ACADSB: variants seen among roughly 807,000 people sequenced by gnomAD.
ACADSB encodes acyl-CoA dehydrogenase short/branched chain.
Under a neutral mutation model 54.1 loss-of-function variants are expected in ACADSB, and 40 were observed. The observed-to-expected ratio is 0.74, with a 90% CI of 0.57 to 0.96. ACADSB has a LOEUF of 0.96. ACADSB is among the 40% of genes least tolerant of loss of function. The pLI is 0.00. For synonymous variants in ACADSB, 182 were observed against 182.8 expected, an observed-to-expected ratio of 1.00 and a Z score of 0.03; for missense variants, 530 against 510.4, an observed-to-expected ratio of 1.04 and a Z score of -0.37.
intron 1 of ACADSB, among the ~76,000 whole-genome samples, chr10:123,025,445 C>T (rs532029911): frequency 1.3e-5 from 2 of 151,606 alleles, no homozygotes; most frequent in Non-Finnish European, 2.9e-5. Flanking sequence ...GCCTGGGTGA[C>T]AAAGTGAGAC....
intron 1 of ACADSB, among the ~76,000 whole-genome samples, chr10:123,030,264 G>A (rs1412937432): frequency 6.6e-6 from 1 of 152,214 alleles, no homozygotes. Context: ...GGTGGCTCAC[G>A]CCAGTAATCC....
chr10:123,028,218 A>G (rs911015184), intron 1 of ACADSB, among the ~76,000 whole-genome samples: 1 of 151,140 alleles, frequency 6.6e-6, no homozygotes, highest in Admixed American at 6.6e-5. Context: ...AGACACTAAT[A>G]GATTAGTTGG....
chr10:123,033,658 A>G (rs1850358098), intron 1 of ACADSB, among the ~76,000 whole-genome samples: 1 of 152,156 alleles, frequency 6.6e-6, no homozygotes, highest in Admixed American at 6.5e-5. Flanking sequence ...AATCCTCACA[A>G]AACTCCAAGA....
chr10:123,053,699 G>A lies in ACADSB; in HGVS notation c.1233G>A (p.Thr411=), dbSNP rs755167353. 5.0e-6 allele frequency: 8 copies of A among 1,613,334 alleles called. No homozygotes were observed. Among genetic ancestry groups the A allele is most frequent in the Admixed American group, 3.3e-5 (2 of 59,992 alleles). The change falls in exon 11 of 11, where the codon ACG becomes ACA. Residue 411 remains threonine (T), a synonymous_variant. Transcript: ENST00000358776. ...EKYFRDAKIG[T]IYEGASNIQL... is the part of the protein sequence containing the mutation. ...TTCTGCTTCCTTTTGCTTAAGGTAC[G>A]ATATATGAAGGAGCTTCCAACATCC...
intron 1 of ACADSB, among the ~76,000 whole-genome samples, chr10:123,030,526 CAAAA>C (rs66574740): frequency 2.1e-5 from 2 of 95,882 alleles, no homozygotes; most frequent in Non-Finnish European, 4.0e-5. Flanking sequence ...GACTCTGTCT[CAAAA>C]AAAAAAAAAA....
chr10:123,046,467 T>C (rs1314159711), intron 7 of ACADSB, among the ~76,000 whole-genome samples: 3 of 152,198 alleles, frequency 2.0e-5, no homozygotes, highest in Non-Finnish European at 2.9e-5. Flanking sequence ...TGTCACCACG[T>C]CCTGTGTAAA....
chr10:123,019,914 T>C (rs1850162126), intron 1 of ACADSB, among the ~76,000 whole-genome samples: 1 of 152,198 alleles, frequency 6.6e-6, no homozygotes, highest in African/African-American at 2.4e-5. Context: ...GCTTTATAAA[T>C]TTGTCATTTC....
intron 6 of ACADSB, among the ~76,000 whole-genome samples, chr10:123,043,392 G>A (rs1177842054): frequency 6.6e-6 from 1 of 152,250 alleles, no homozygotes; most frequent in African/African-American, 2.4e-5. Context: ...TGGGAAGCAA[G>A]TGCCAAGAAT....
At chr10:123,053,187 T>A in intron 10 of ACADSB, 27 bp downstream of exon 10, 1 of 1,535,458 alleles carries the variant, frequency 6.5e-7, no homozygotes, top group Non-Finnish European at 9.0e-7. Flanking sequence ...TTTTTACATT[T>A]TATTTTGTTT....
At chr10:123,046,466 G>A (rs1339113498) in intron 7 of ACADSB, among the ~76,000 whole-genome samples, 1 of 152,088 alleles carries the variant, frequency 6.6e-6, no homozygotes, top group Non-Finnish European at 1.5e-5. Flanking sequence ...TTGTCACCAC[G>A]TCCTGTGTAA....
intron 1 of ACADSB, 91 bp from the exon 2 acceptor site, chr10:123,034,265 G>T: frequency 7.3e-7 from 1 of 1,370,952 alleles, no homozygotes; most frequent in African/African-American, 1.4e-5. Context: ...CCTTATTTTG[G>T]TGACATGAAA....
chr10:123,040,503 C>T lies in ACADSB; in HGVS notation c.341C>T (p.Thr114Ile), dbSNP rs1349242029. Residue 114 changes from threonine to isoleucine, a missense_variant, in exon 4 of 11, where the codon ACA becomes ATA. By Grantham distance (89) the Thr-to-Ile change is moderately conservative (BLOSUM62 -1). Coordinates refer to ENST00000358776, the MANE Select transcript of ACADSB (RefSeq NM_001609.4). ...GIEVDPEYGG[T>I]GASFLSTVLV... ...GAAGTTGACCCAGAATATGGAGGCACAGGAGCTTCATTTTTATCCACTGTG... is the reference window on the plus strand; with the variant it reads ...GAAGTTGACCCAGAATATGGAGGCATAGGAGCTTCATTTTTATCCACTGTG... 1.2e-6 allele frequency: 2 copies of T among 1,614,088 alleles called. No homozygotes were observed. The highest frequency in any genetic ancestry group is 3.3e-5 in the Admixed American group (2 of 60,006).
chr10:123,041,198 C>T lies in ACADSB; in HGVS notation c.511-11C>T. 1.2e-6 allele frequency: 2 copies of T among 1,613,764 alleles called. No homozygotes were observed. Among genetic ancestry groups the T allele is most frequent in the South Asian group, 2.2e-5 (2 of 91,062 alleles). The stretch of plus-strand genomic sequence containing the variant: ...GTTATTAATTTGGACATTTTTTTCT[C>T]CCATATGTAGGTAGGAAGTTTCTGC... On this transcript the variant is annotated splice_polypyrimidine_tract_variant and intron_variant, in intron 4 of 10. Transcript: ENST00000358776.
chr10:123,051,314 A>G (rs971441845), intron 9 of ACADSB, 128 bp downstream of exon 9: 21 of 1,198,112 alleles, frequency 1.8e-5, no homozygotes, highest in African/African-American at 7.8e-5. Context: ...TTAAGATAAC[A>G]TGGACTTTTA....
chr10:123,047,085 C>A, intron 7 of ACADSB, 124 bp from the exon 8 acceptor site: 1 of 788,744 alleles, frequency 1.3e-6, no homozygotes, highest in Non-Finnish European at 2.1e-6. Flanking sequence ...ACCTCACCAC[C>A]TCAGCATCTC....
At chr10:123,034,211 T>C in intron 1 of ACADSB, 145 bp from the exon 2 acceptor site, 2 of 784,158 alleles carry the variant, frequency 2.6e-6, no homozygotes, top group East Asian at 2.6e-5. Context: ...CTAATTTGTG[T>C]TATGTTTAAA....
rs138302778 is a variant in ACADSB at position 123,032,397 on chromosome 10, TG to T, written c.43-1956del. 6.5e-3 allele frequency among the ~76,000 whole-genome samples: 991 copies of T among 152,242 alleles called. 7 individuals are homozygous for T. The highest frequency in any genetic ancestry group is 0.022 in the African/African-American group (934 of 41,558). ...TAATCTCCCTTAGAAATAAGAAATG[TG>T]GGCAATGTATTATAGTTTTTGAAAT... On this transcript the variant is annotated intron_variant, in intron 1 of 10. Transcript: ENST00000358776.
chr10:123,054,968 A>G lies in ACADSB; in HGVS notation c.*1203A>G, dbSNP rs960372604. On this transcript the variant is annotated 3_prime_UTR_variant, in exon 11 of 11. Coordinates refer to ENST00000358776, the MANE Select transcript of ACADSB (RefSeq NM_001609.4). ...AGAAAAAGATCTCTTGCCCATTAAGAAGTGTATCAAAATCTCATAAGGAAT... is the reference window on the plus strand; with the variant it reads ...AGAAAAAGATCTCTTGCCCATTAAGGAGTGTATCAAAATCTCATAAGGAAT... 2.0e-5 allele frequency: 3 copies of G among 152,226 alleles called. No homozygotes were observed. The highest frequency in any genetic ancestry group is 4.8e-5 in the African/African-American group (2 of 41,452). 9.4% of individuals were successfully genotyped at this position (152,226 alleles called of 1,614,324 possible).
chr10:123,016,982 A>G (rs1020596356), intron 1 of ACADSB, among the ~76,000 whole-genome samples: 1 of 152,080 alleles, frequency 6.6e-6, no homozygotes, highest in Admixed American at 6.5e-5. Flanking sequence ...CCCTTCACTC[A>G]ATTTGGTAAC....
Sources: allele counts gnomAD v4.1 joint callset (sites outside exome capture counted in the v4.1 genomes callset), GRCh38; gene constraint gnomAD v4.1.1; transcripts MANE v1.5; gene names NCBI Gene and HGNC (gene_info 2026-07-23, HGNC 2026-07-21).